The following POLK variants were observed in gnomAD, a reference collection of about 807,000 sequenced individuals.
POLK encodes polymerase (DNA directed) kappa.
POLK carries 76 observed loss-of-function variants against 94.0 expected under a neutral mutation model. The observed-to-expected ratio is 0.81, with a 90% CI of 0.67 to 0.98. POLK has a LOEUF of 0.98. Among genes scored for constraint, POLK ranks in the 50% least tolerant of loss-of-function variants. POLK has a pLI of 0.00. For synonymous variants in POLK, 349 were observed against 325.4 expected (o/e 1.07, Z -0.78); for missense variants, 954 against 1,010.1 (o/e 0.94, Z 0.75).
intron 1 of POLK, among the ~76,000 whole-genome samples, chr5:75,540,079 A>G (rs1428114924): frequency 1.3e-5 from 2 of 152,212 alleles, no homozygotes; most frequent in Non-Finnish European, 2.9e-5. Context: ...CTCAGAAGAA[A>G]CTTAGGAGCA....
chr5:75,549,440 CT>C lies in POLK; in HGVS notation c.135+2292del, dbSNP rs376882673. On this transcript the variant is annotated intron_variant, in intron 2 of 14. Transcript: ENST00000241436. The stretch of plus-strand genomic sequence containing the variant: ...GCCTTGATATCTGCTAGCACAATTT[CT>C]TTTTTTTTACACTTTGTTCTTTTTC... Among the ~76,000 whole-genome samples the C allele has an allele frequency of 2.2e-3, 329 of 150,556 alleles. 1 individual carries two copies. In the East Asian group the frequency reaches 0.028, roughly 13 times the overall value.
At chr5:75,571,043 A>G (rs1161737316) in intron 4 of POLK, among the ~76,000 whole-genome samples, 1 of 152,210 alleles carries the variant, frequency 6.6e-6, no homozygotes, top group Non-Finnish European at 1.5e-5. Flanking sequence ...GTATACATAC[A>G]AACTTGCTGT....
chr5:75,548,537 G>T (rs4704228), intron 2 of POLK, among the ~76,000 whole-genome samples: 2 of 148,978 alleles, frequency 1.3e-5, no homozygotes, highest in African/African-American at 4.9e-5. Flanking sequence ...ATATATACAT[G>T]ATATATAATG....
chr5:75,546,255 A>G (rs1770013660), intron 1 of POLK, among the ~76,000 whole-genome samples: 1 of 152,184 alleles, frequency 6.6e-6, no homozygotes, highest in Admixed American at 6.5e-5. Context: ...AGAAAGGAAA[A>G]TGTTATTAAG....
upstream of POLK, chr5:75,511,719 C>T: frequency 6.5e-7 from 1 of 1,546,202 alleles, no homozygotes; most frequent in Non-Finnish European, 8.7e-7. Context: ...GCGTCTGACG[C>T]GACACGCCGA....
chr5:75,578,622 C>T (rs1772036982), intron 6 of POLK, among the ~76,000 whole-genome samples: 1 of 152,076 alleles, frequency 6.6e-6, no homozygotes, highest in African/African-American at 2.4e-5. Context: ...GTGTAAATAC[C>T]TGTGGGCTGG....
chr5:75,548,574 A>T (rs1770172325), intron 2 of POLK, among the ~76,000 whole-genome samples: 1 of 150,860 alleles, frequency 6.6e-6, no homozygotes, highest in South Asian at 2.1e-4. Context: ...ATTATATGTT[A>T]TGTATATTAA....
exon 7 of POLK, chr5:75,581,215 C>G: frequency 6.3e-7 from 1 of 1,595,710 alleles, no homozygotes; most frequent in Non-Finnish European, 8.6e-7. Flanking sequence ...TTAGATAATC[C>G]AGGAAAGGAA....
chr5:75,601,915 AC>A (rs1279399080), downstream of POLK, among the ~76,000 whole-genome samples: 1 of 152,150 alleles, frequency 6.6e-6, no homozygotes, highest in Non-Finnish European at 1.5e-5. Flanking sequence ...ACCCTAATAC[AC>A]CACCAAACAA....
intron 1 of POLK, among the ~76,000 whole-genome samples, chr5:75,540,739 G>T (rs2112608569): frequency 6.6e-6 from 1 of 152,232 alleles, no homozygotes; most frequent in East Asian, 1.9e-4. Context: ...GCATTTTACT[G>T]AAACAAAATT....
At chr5:75,511,426 T>G (rs1321597089), upstream of POLK, 2 of 1,542,080 alleles carry the variant, frequency 1.3e-6, no homozygotes, top group Middle Eastern at 2.0e-4. Context: ...GAAGGAAGCC[T>G]ACCCTTCCAG....
chr5:75,579,971 TAAAAAAA>T (rs760963756), intron 6 of POLK, among the ~76,000 whole-genome samples: 1 of 125,470 alleles, frequency 8.0e-6, no homozygotes. Flanking sequence ...GACCCTGTCT[TAAAAAAA>T]AAAAAAAAAA....
At chr5:75,511,425 C>T (rs1290439911), upstream of POLK, 1 of 1,542,422 alleles carries the variant, frequency 6.5e-7, no homozygotes, top group Non-Finnish European at 8.7e-7. Context: ...TGAAGGAAGC[C>T]TACCCTTCCA....
At chr5:75,580,282 G>A (rs1469027628) in intron 6 of POLK, among the ~76,000 whole-genome samples, 2 of 151,968 alleles carry the variant, frequency 1.3e-5, no homozygotes, top group Non-Finnish European at 2.9e-5. Context: ...TACGAGATGG[G>A]ATCAGAAAGC....
chr5:75,556,307 A>G (rs1770617762), intron 3 of POLK, among the ~76,000 whole-genome samples: 1 of 152,120 alleles, frequency 6.6e-6, no homozygotes, highest in Non-Finnish European at 1.5e-5. Flanking sequence ...CCATCTGTAT[A>G]TGTTCTTTGT....
chr5:75,524,927 A>G (rs1315883058), intron 1 of POLK, among the ~76,000 whole-genome samples: 1 of 152,248 alleles, frequency 6.6e-6, no homozygotes, highest in Non-Finnish European at 1.5e-5. Flanking sequence ...TCTGACTTGC[A>G]TAGTCTACAT....
intron 2 of POLK, among the ~76,000 whole-genome samples, chr5:75,548,404 T>A (rs1218395289): frequency 2.0e-5 from 3 of 151,544 alleles, no homozygotes; most frequent in Non-Finnish European, 4.4e-5. Context: ...CATATGGCTT[T>A]CTTCAAGGTT....
chr5:75,587,559 A>T (rs1271963752), intron 10 of POLK, among the ~76,000 whole-genome samples: 7 of 152,214 alleles, frequency 4.6e-5, no homozygotes, highest in African/African-American at 1.7e-4. Flanking sequence ...TGGGGAAATA[A>T]GTCATTGTTT....
rs1299819658 is a variant in POLK at position 75,592,738 on chromosome 5, G to A, written c.1357-1140G>A. On this transcript the variant is annotated intron_variant, in intron 11 of 14. Transcript: ENST00000241436. ...CAAACAAAAAAATTCAGTTGGGAAG[G>A]GGAATAAAAATTACTGGCTAAAATG... 2.0e-5 allele frequency among the ~76,000 whole-genome samples: 3 copies of A among 151,876 alleles called. No homozygotes were observed. The East Asian group carries it at 5.8e-4, about 29-fold the overall frequency.
Sources: gnomAD v4.1 joint callset for allele counts (sites outside exome capture counted in the v4.1 genomes callset) on GRCh38, gnomAD v4.1.1 for gene constraint, MANE v1.5 for transcripts, NCBI Gene and HGNC (gene_info 2026-07-23, HGNC 2026-07-21) for gene names.